AP1B1: variants seen among roughly 807,000 people sequenced by gnomAD.
AP1B1 encodes adaptor related protein complex 1 subunit beta 1.
AP1B1 carries 36 observed loss-of-function variants against 104.3 expected under a neutral mutation model. The observed-to-expected ratio is 0.35, with a 90% CI of 0.26 to 0.46. The LOEUF is 0.46. Ranked by LOEUF, AP1B1 falls within the 20% of genes least tolerant of loss-of-function variation. The pLI, the probability that AP1B1 is intolerant of heterozygous loss-of-function variation, is 1.00. For synonymous variants in AP1B1, 504 were observed against 517.5 expected, an observed-to-expected ratio of 0.97 and a Z score of 0.35; for missense variants, 901 against 1,247.9, an observed-to-expected ratio of 0.72 and a Z score of 4.19.
In AP1B1 at chr22:29,354,639, G is replaced by T; in HGVS notation, c.938+11C>A. 6.2e-7 allele frequency: 1 copy of T among 1,612,964 alleles called. No individual in the cohort carries two copies. ...GGGTACGCATGGACGTGCGTGTGGT[G>T]ACCTCAGTACCTTTTCTGCACGATG... On this transcript the variant is annotated intron_variant, in intron 7 of 22. Coordinates refer to ENST00000357586, the MANE Select transcript of AP1B1 (RefSeq NM_001127.4).
chr22:29,331,710 C>G (rs573453693), intron 18 of AP1B1, 77 bp downstream of exon 18: 3 of 1,611,528 alleles, frequency 1.9e-6, no homozygotes, highest in Non-Finnish European at 2.5e-6. Flanking sequence ...TCCGCAGACA[C>G]GACCTTCTAC....
At chr22:29,366,723 C>T (rs1014382975) in intron 2 of AP1B1, among the ~76,000 whole-genome samples, 1 of 151,758 alleles carries the variant, frequency 6.6e-6, no homozygotes, top group African/African-American at 2.4e-5. Context: ...AACTTCAACT[C>T]GAGAGGCGGA....
chr22:29,341,835 G>A, intron 12 of AP1B1, 75 bp from the exon 13 acceptor site: 5 of 1,513,646 alleles, frequency 3.3e-6, no homozygotes, highest in African/African-American at 1.4e-5. Context: ...CTGCAGCCAT[G>A]AGCCAGGTGC....
chr22:29,330,161 CAA>C, intron 21 of AP1B1: 1 of 1,435,006 alleles, frequency 7.0e-7, no homozygotes, highest in Non-Finnish European at 9.1e-7. Flanking sequence ...TCTTCTAGTC[CAA>C]CTCACTGTTC....
rs760365347 is a variant in AP1B1 at position 29,342,398 on chromosome 22, G to A, written c.1438-15C>T. The A allele has an allele frequency of 8.2e-5, 131 of 1,607,344 alleles. 1 individual carries two copies. Among genetic ancestry groups the A allele is most frequent in the Middle Eastern group, 1.7e-4 (1 of 6,042 alleles). On this transcript the variant is annotated splice_polypyrimidine_tract_variant and intron_variant, in intron 11 of 22. Coordinates refer to ENST00000357586, the MANE Select transcript of AP1B1 (RefSeq NM_001127.4). ...TGCAGCTGGACCTGCAGGGAACAGC[G>A]GTGACGAGGAGGAAGTGTGGGCCTC...
intron 14 of AP1B1, among the ~76,000 whole-genome samples, 161 bp from the exon 15 acceptor site, chr22:29,339,935 C>T (rs1162382425): frequency 1.3e-5 from 2 of 151,838 alleles, no homozygotes; most frequent in Non-Finnish European, 2.9e-5. Context: ...GCGAGAGGCC[C>T]AGACCCTGTC....
chr22:29,351,877 T>A, intron 7 of AP1B1, 52 bp from the exon 8 acceptor site: 1 of 1,601,856 alleles, frequency 6.2e-7, no homozygotes, highest in African/African-American at 1.3e-5. Flanking sequence ...TTAAGCCCTG[T>A]GAGAAAATGC....
rs1422736776 is a variant in AP1B1, at chr22:29,341,452, T to G, written c.1796+49A>C. 4.4e-6 allele frequency: 7 copies of G among 1,581,196 alleles called. No individual in the cohort carries two copies. In the Admixed American group the frequency reaches 1.2e-4, roughly 27 times the overall value. On this transcript the variant is annotated intron_variant, in intron 13 of 22. Coordinates refer to ENST00000357586, the MANE Select transcript of AP1B1 (RefSeq NM_001127.4). Reference sequence around the variant, plus strand: ...GGCCTGAGTGCCTGTGCTGCTAAACTGGGGAAGCAGAGTGTGAAGGCGCAG... The same window carrying G: ...GGCCTGAGTGCCTGTGCTGCTAAACGGGGGAAGCAGAGTGTGAAGGCGCAG...
chr22:29,345,212 C>T (rs1442083318), intron 11 of AP1B1, among the ~76,000 whole-genome samples: 1 of 149,308 alleles, frequency 6.7e-6, no homozygotes, highest in Non-Finnish European at 1.5e-5. Flanking sequence ...GTATGTGCCA[C>T]CACACCCAGT....
chr22:29,336,527 C>T (rs184555030), intron 16 of AP1B1, among the ~76,000 whole-genome samples: 2 of 152,254 alleles, frequency 1.3e-5, no homozygotes, highest in Non-Finnish European at 2.9e-5. Flanking sequence ...CATGGCTGGG[C>T]GCAGTGGCTC....
chr22:29,357,961 C>T (rs2061986084), intron 5 of AP1B1, among the ~76,000 whole-genome samples: 1 of 152,154 alleles, frequency 6.6e-6, no homozygotes, highest in African/African-American at 2.4e-5. Context: ...GCTGGGATTA[C>T]AGGCGTGAGC....
In AP1B1 at chr22:29,353,535, G is replaced by T. The variant is rs777991489; in HGVS notation, c.938+1115C>A. On this transcript the variant is annotated intron_variant, in intron 7 of 22. Transcript: ENST00000357586. ...AAATCCGTGACCCAAGGGCACTGGC[G>T]TATAAAGACCCACACTGCAACCAGG... 1.8e-4 allele frequency among the ~76,000 whole-genome samples: 27 copies of T among 152,322 alleles called. 3 individuals carry two copies. Among genetic ancestry groups the T allele is most frequent in the Admixed American group, 1.4e-3 (21 of 15,306 alleles).
At chr22:29,352,224 G>C (rs528471024) in intron 7 of AP1B1, among the ~76,000 whole-genome samples, 1 of 152,336 alleles carries the variant, frequency 6.6e-6, no homozygotes, top group South Asian at 2.1e-4. Flanking sequence ...CTGCAGGTCT[G>C]GGACTGCTAG....
chr22:29,387,713 C>CT (rs2148070777), intron 1 of AP1B1, among the ~76,000 whole-genome samples: 1 of 152,368 alleles, frequency 6.6e-6, no homozygotes, highest in East Asian at 1.9e-4. Context: ...CTTGCCTCTA[C>CT]TACCCGAATG....
chr22:29,356,363 G>A, intron 6 of AP1B1, 63 bp downstream of exon 6: 6 of 1,518,452 alleles, frequency 4.0e-6, no homozygotes, highest in Middle Eastern at 2.1e-4. Context: ...CCAGTGCCTG[G>A]TTGGAGCCCC....
At position 29,350,164 on chromosome 22, in the gene AP1B1, G is replaced by GA. The variant is rs903634035; in HGVS notation, c.1156-15dup. 6.2e-7 allele frequency: 1 copy of GA among 1,610,806 alleles called. No homozygotes were observed. The highest frequency in any genetic ancestry group is 1.3e-5 in the African/African-American group (1 of 74,866). ...CTCCGCAGATTGCTGCATGGGAAGAGAAGAGTGTGGGCGAGGTCCCCGCAC... is the reference window on the plus strand; with the variant it reads ...CTCCGCAGATTGCTGCATGGGAAGAGAAAGAGTGTGGGCGAGGTCCCCGCAC... On this transcript the variant is annotated splice_polypyrimidine_tract_variant and intron_variant, in intron 9 of 22. Transcript: ENST00000357586.
intron 11 of AP1B1, among the ~76,000 whole-genome samples, chr22:29,346,514 G>T (rs2061794594): frequency 6.6e-6 from 1 of 152,222 alleles, no homozygotes; most frequent in Admixed American, 6.5e-5. Flanking sequence ...AATAGAGTTT[G>T]CGCTCCTATG....
At position 29,330,400 on chromosome 22, in the gene AP1B1, T is replaced by A. The variant is rs771876281; in HGVS notation, c.2744A>T (p.Gln915Leu). ...CACCGTGCAGCTGGGGTTGCCCGGC[T>A]GGATCCGCAGCTCCGCCAGCACCCA... is the stretch of plus-strand genomic sequence containing the variant. ...GIWVLAELRI[Q>L]PGNPSCTDLE... The change falls in exon 21 of 23, where the codon CAG becomes CTG. Residue 915 changes from glutamine to leucine, a missense_variant. Transcript: ENST00000357586. 1.2e-6 allele frequency: 2 copies of A among 1,613,596 alleles called. No individual in the cohort carries two copies. The highest frequency in any genetic ancestry group is 1.7e-6 in the Non-Finnish European group (2 of 1,179,940).
chr22:29,365,112 G>A (rs1322196096), intron 2 of AP1B1, among the ~76,000 whole-genome samples: 1 of 152,170 alleles, frequency 6.6e-6, no homozygotes, highest in Non-Finnish European at 1.5e-5. Flanking sequence ...GCAAATGGAG[G>A]CTGTGAGAGG....
Sources: allele counts gnomAD v4.1 joint callset (sites outside exome capture counted in the v4.1 genomes callset), GRCh38; gene constraint gnomAD v4.1.1; transcripts MANE v1.5; gene names NCBI Gene and HGNC (gene_info 2026-07-23, HGNC 2026-07-21).